The following DIP2C variants were observed in gnomAD, a reference collection of about 807,000 sequenced individuals.
The protein encoded by DIP2C is disco-interacting protein 2 homolog C.
A neutral mutation model predicts 192.4 loss-of-function variants in DIP2C; 33 were observed. That is an observed-to-expected ratio of 0.17 (90% confidence interval 0.13 to 0.23). The LOEUF is 0.23. Ranked by LOEUF, DIP2C falls within the 10% of genes least tolerant of loss-of-function variation. The pLI, the probability that DIP2C is intolerant of heterozygous loss-of-function variation, is 1.00. For synonymous variants in DIP2C, 979 were observed against 864.1 expected (o/e 1.13, Z -2.33); for missense variants, 1,537 against 2,110.1 (o/e 0.73, Z 5.32).
Position 478,749 on chromosome 10 carries a change from G to A in DIP2C, c.158-6200C>T, listed in dbSNP as rs374880056. On this transcript the variant is annotated intron_variant, in intron 2 of 36. Coordinates refer to ENST00000280886, the MANE Select transcript of DIP2C (RefSeq NM_014974.3). ...GGGGTGTAGACACATCCAAATTCCC[G>A]TCTTATTCTCACTCATCGCGTGTCC... Among the ~76,000 whole-genome samples, 10 of 149,594 alleles carry A rather than the reference G, an allele frequency of 6.7e-5. 1 individual carries two copies. Among genetic ancestry groups the A allele is most frequent in the African/African-American group, 1.5e-4 (6 of 40,296 alleles).
At chr10:640,581 G>A (rs993599919) in intron 1 of DIP2C, among the ~76,000 whole-genome samples, 3 of 152,018 alleles carry the variant, frequency 2.0e-5, no homozygotes, top group African/African-American at 7.3e-5. Context: ...ACGCGACGGG[G>A]GACGAGGGTG....
At chr10:418,219 G>A (rs1205706764) in intron 6 of DIP2C, among the ~76,000 whole-genome samples, 3 of 112,582 alleles carry the variant, frequency 2.7e-5, no homozygotes, top group African/African-American at 8.0e-5. Context: ...CTGTCCACCT[G>A]TTCCTGTCAG....
intron 9 of DIP2C, among the ~76,000 whole-genome samples, chr10:406,039 A>G (rs1268975405): frequency 6.6e-6 from 1 of 152,174 alleles, no homozygotes; most frequent in Non-Finnish European, 1.5e-5. Flanking sequence ...CTCTTTACAT[A>G]TTTCATCAAA....
intron 1 of DIP2C, among the ~76,000 whole-genome samples, chr10:575,378 C>T (rs1166960829): frequency 6.6e-6 from 1 of 152,160 alleles, no homozygotes; most frequent in Non-Finnish European, 1.5e-5. Flanking sequence ...AACTTCAGGG[C>T]ATATGATTTC....
rs1287860982 is a variant in DIP2C, at chr10:296,969, G to A, written c.3987-8548C>T. 5.9e-5 allele frequency among the ~76,000 whole-genome samples: 9 copies of A among 151,528 alleles called. No homozygotes were observed. In the South Asian group the frequency reaches 8.4e-4, roughly 14 times the overall value. On this transcript the variant is annotated intron_variant, in intron 32 of 36. Transcript: ENST00000280886. ...GAGTTAATGGGTGCAGCATACCAAC[G>A]TGGCACATGTATACATATGTAACAA...
intron 1 of DIP2C, among the ~76,000 whole-genome samples, chr10:507,383 A>G (rs1383167742): frequency 3.3e-5 from 5 of 150,612 alleles, no homozygotes; most frequent in African/African-American, 4.9e-5. Context: ...GCGAGGTTAC[A>G]GACCTAGTCA....
At chr10:330,086 T>C (rs1257356834) in intron 29 of DIP2C, among the ~76,000 whole-genome samples, 1 of 152,128 alleles carries the variant, frequency 6.6e-6, no homozygotes, top group Non-Finnish European at 1.5e-5. Flanking sequence ...TTGAGCTGAG[T>C]GGTCAGAGAC....
intron 3 of DIP2C, among the ~76,000 whole-genome samples, chr10:464,863 A>AAT (rs1970081737): frequency 6.6e-6 from 1 of 151,846 alleles, no homozygotes; most frequent in African/African-American, 2.4e-5. Context: ...TGAATAGACC[A>AAT]ATAACAGGAT....
intron 1 of DIP2C, among the ~76,000 whole-genome samples, chr10:661,639 T>C (rs1392106535): frequency 6.6e-6 from 1 of 152,202 alleles, no homozygotes; most frequent in Non-Finnish European, 1.5e-5. Context: ...CAGGGCCTTT[T>C]CTGGGTCTTC....
chr10:476,448 C>T (rs115429440), intron 2 of DIP2C, among the ~76,000 whole-genome samples: 1 of 152,334 alleles, frequency 6.6e-6, no homozygotes, highest in African/African-American at 2.4e-5. Context: ...GTAGCTAACA[C>T]TGCAGCCCTG....
chr10:651,017 GC>G lies in DIP2C; in HGVS notation c.85+38476del, dbSNP rs1294517288. 1.4e-6 allele frequency: 1 copy of G among 717,268 alleles called. No individual in the cohort carries two copies. Among genetic ancestry groups the G allele is most frequent in the Non-Finnish European group, 2.6e-6 (1 of 385,086 alleles). 44.4% of individuals were successfully genotyped at this position (717,268 alleles called of 1,614,324 possible). A position where few individuals can be genotyped will look rare whatever the true frequency, so the allele number is the denominator to read the frequency against. On this transcript the variant is annotated intron_variant, in intron 1 of 36. Transcript: ENST00000280886. This position sits in a 1 kb window ranked among gnomAD's most constrained non-coding sequence, Gnocchi z 4.1. ...TCCCGGTGCCAGGGCTCAGGCCCCA[GC>G]CCCCGTTTCTGCAGAAGCCCCTTTC...
At chr10:681,030 G>A (rs1222692131) in intron 1 of DIP2C, among the ~76,000 whole-genome samples, 1 of 151,370 alleles carries the variant, frequency 6.6e-6, no homozygotes, top group Non-Finnish European at 1.5e-5. Flanking sequence ...CCAGTTGCAT[G>A]GTACAGCTAC....
intron 1 of DIP2C, among the ~76,000 whole-genome samples, chr10:490,060 C>A (rs1844322442): frequency 2.8e-5 from 1 of 35,464 alleles, no homozygotes; most frequent in Non-Finnish European, 8.0e-5. Flanking sequence ...TCTGACAGTG[C>A]CCGGGGCTTC....
At chr10:309,071 C>T (rs557326223) in intron 32 of DIP2C, among the ~76,000 whole-genome samples, 2 of 152,336 alleles carry the variant, frequency 1.3e-5, no homozygotes, top group South Asian at 2.1e-4. Context: ...CCATGTCCCA[C>T]GCACTTCACC....
At chr10:428,380 G>A (rs1213264160) in intron 4 of DIP2C, among the ~76,000 whole-genome samples, 1 of 152,144 alleles carries the variant, frequency 6.6e-6, no homozygotes, top group Non-Finnish European at 1.5e-5. Context: ...GTGTGTGAAT[G>A]TGTCGTTTCA....
In DIP2C at chr10:495,814, A is replaced by G. The variant is rs1371966984; in HGVS notation, c.86-9284T>C. 2.0e-5 allele frequency among the ~76,000 whole-genome samples: 3 copies of G among 151,814 alleles called. No individual in the cohort carries two copies. In the East Asian group the frequency reaches 5.8e-4, roughly 29 times the overall value. ...CCTCCCCATGTACTTAAATCTCTAC[A>G]TTACTCTCAATACCCCAAAGAACAT... On this transcript the variant is annotated intron_variant, in intron 1 of 36. Coordinates refer to ENST00000280886, the MANE Select transcript of DIP2C (RefSeq NM_014974.3).
At chr10:433,745 T>A (rs1266793380) in intron 4 of DIP2C, among the ~76,000 whole-genome samples, 2 of 152,212 alleles carry the variant, frequency 1.3e-5, no homozygotes, top group African/African-American at 2.4e-5. Context: ...TTACTCTTGA[T>A]CTATATATAT....
intron 2 of DIP2C, among the ~76,000 whole-genome samples, chr10:481,768 C>A (rs1843629504): frequency 6.6e-6 from 1 of 152,226 alleles, no homozygotes; most frequent in South Asian, 2.1e-4. Context: ...AGGGACACTG[C>A]ACATCCATCC....
At chr10:498,722 A>G (rs1845026838) in intron 1 of DIP2C, among the ~76,000 whole-genome samples, 1 of 152,096 alleles carries the variant, frequency 6.6e-6, no homozygotes, top group Non-Finnish European at 1.5e-5. Context: ...ATCCCCAAGT[A>G]CAAAACCTCC....
Sources: gnomAD v4.1 joint callset for allele counts (sites outside exome capture counted in the v4.1 genomes callset) on GRCh38, gnomAD v4.1.1 for gene constraint, Gnocchi (gnomAD v3.1) non-coding constraint, MANE v1.5 for transcripts, NCBI Gene and HGNC (gene_info 2026-07-23, HGNC 2026-07-21) for gene names.